KCNQ5: variants seen among roughly 807,000 people sequenced by gnomAD.
KCNQ5 encodes the protein potassium voltage-gated channel subfamily Q member 5.
KCNQ5 carries 30 observed loss-of-function variants against 98.2 expected under a neutral mutation model. That is an observed-to-expected ratio of 0.31 (90% confidence interval 0.23 to 0.41). The LOEUF is 0.41. Ranked by LOEUF, KCNQ5 falls within the 10% of genes least tolerant of loss-of-function variation. The pLI is 1.00. For missense variants in KCNQ5, 835 were observed against 1,182.5 expected (o/e 0.71, Z 4.31); for synonymous variants, 458 against 449.4 (o/e 1.02, Z -0.24).
At chr6:72,783,359 A>G (rs1773580804) in intron 1 of KCNQ5, among the ~76,000 whole-genome samples, 1 of 152,370 alleles carries the variant, frequency 6.6e-6, no homozygotes, top group African/African-American at 2.4e-5. Flanking sequence ...GTGTATATAC[A>G]TAACTCCATG....
At chr6:72,837,597 A>G (rs1776560534) in intron 1 of KCNQ5, among the ~76,000 whole-genome samples, 1 of 152,176 alleles carries the variant, frequency 6.6e-6, no homozygotes, top group African/African-American at 2.4e-5. Flanking sequence ...AGCCACAAAA[A>G]TCCATCAAAT....
At position 72,636,626 on chromosome 6, in the gene KCNQ5, C is replaced by T. The variant is rs139841500; in HGVS notation, c.398+14039C>T. On this transcript the variant is annotated intron_variant, in intron 1 of 13. Coordinates refer to ENST00000370398, the MANE Select transcript of KCNQ5 (RefSeq NM_019842.4). Reference sequence around the variant, plus strand: ...GTTTTGAGTCATTGGCTACATTTCTCAGCTTTCTGGTTTGTAAAATTAGGA... The same window carrying T: ...GTTTTGAGTCATTGGCTACATTTCTTAGCTTTCTGGTTTGTAAAATTAGGA... 4.5e-3 allele frequency among the ~76,000 whole-genome samples: 687 copies of T among 152,286 alleles called. 18 individuals are homozygous for T. Among genetic ancestry groups the T allele is most frequent in the Admixed American group, 0.04 (611 of 15,298 alleles).
chr6:72,982,988 G>A (rs1480550877), intron 1 of KCNQ5, among the ~76,000 whole-genome samples: 1 of 152,174 alleles, frequency 6.6e-6, no homozygotes, highest in Non-Finnish European at 1.5e-5. Context: ...TAAGAATATT[G>A]AATATTTGCC....
At chr6:72,709,905 G>A (rs1769279296) in intron 1 of KCNQ5, among the ~76,000 whole-genome samples, 1 of 152,098 alleles carries the variant, frequency 6.6e-6, no homozygotes, top group Non-Finnish European at 1.5e-5. Context: ...CTTACATTCT[G>A]GTGCACAAAT....
intron 10 of KCNQ5, chr6:73,135,703 T>C (rs1356046168): frequency 1.3e-5 from 2 of 152,204 alleles, no homozygotes; most frequent in Non-Finnish European, 2.9e-5. Context: ...AAATGGAACT[T>C]GTATTAGTTT....
intron 5 of KCNQ5, among the ~76,000 whole-genome samples, chr6:73,101,951 A>T (rs75102173): frequency 0.025 from 3,764 of 152,300 alleles, 68 homozygotes; most frequent in Middle Eastern, 0.058. Flanking sequence ...AAGCTATCCT[A>T]AGCAAAAAGA....
chr6:72,943,181 C>T (rs562719305), intron 1 of KCNQ5, among the ~76,000 whole-genome samples: 1 of 152,202 alleles, frequency 6.6e-6, no homozygotes, highest in African/African-American at 2.4e-5. Context: ...CAAAAGCATC[C>T]GCCTCTTATA....
Position 73,174,924 on chromosome 6 carries a change from C to T in KCNQ5, c.1577+5070C>T, listed in dbSNP as rs9446860. On this transcript the variant is annotated intron_variant, in intron 11 of 13. Coordinates refer to ENST00000370398, the MANE Select transcript of KCNQ5 (RefSeq NM_019842.4). ...GCCTTCCAGCATGCTGCCTCCACTG[C>T]CCGTCCTCTGCTCTGGGTCAGTCTT... Among the ~76,000 whole-genome samples the T allele has an allele frequency of 9.7e-3, 1,484 of 152,312 alleles. 21 individuals carry two copies. The highest frequency in any genetic ancestry group is 0.034 in the African/African-American group (1,415 of 41,556).
At chr6:73,101,952 A>G (rs1184215649) in intron 5 of KCNQ5, among the ~76,000 whole-genome samples, 1 of 152,234 alleles carries the variant, frequency 6.6e-6, no homozygotes, top group Admixed American at 6.5e-5. Context: ...AGCTATCCTA[A>G]GCAAAAAGAG....
At chr6:72,918,020 G>T (rs1192792074) in intron 1 of KCNQ5, among the ~76,000 whole-genome samples, 1 of 152,108 alleles carries the variant, frequency 6.6e-6, no homozygotes, top group Non-Finnish European at 1.5e-5. Flanking sequence ...CCCCTTAGTT[G>T]TAACAACCAA....
intron 11 of KCNQ5, among the ~76,000 whole-genome samples, chr6:73,172,877 A>G (rs1017612983): frequency 6.6e-6 from 1 of 152,238 alleles, no homozygotes; most frequent in Non-Finnish European, 1.5e-5. Context: ...AAAAATATGT[A>G]TTCTACTGCA....
rs550641240 is a variant in KCNQ5 at position 72,659,068 on chromosome 6, G to T, written c.398+36481G>T. Among the ~76,000 whole-genome samples, 178 of 152,294 alleles carry T rather than the reference G, an allele frequency of 1.2e-3. 1 individual carries two copies. Among genetic ancestry groups the T allele is most frequent in the African/African-American group, 3.9e-3 (162 of 41,564 alleles). On this transcript the variant is annotated intron_variant, in intron 1 of 13. Transcript: ENST00000370398. Reference sequence around the variant, plus strand: ...ATTTTTTAAACGTCTCCATTAATGGGAAAGATTAGTTTACCTACATTTAAG... The same window carrying T: ...ATTTTTTAAACGTCTCCATTAATGGTAAAGATTAGTTTACCTACATTTAAG...
chr6:72,635,866 A>G (rs1317785606), intron 1 of KCNQ5, among the ~76,000 whole-genome samples: 1 of 151,682 alleles, frequency 6.6e-6, no homozygotes, highest in East Asian at 1.9e-4. Context: ...TAATTTACAT[A>G]TTGCTCTATG....
chr6:72,739,320 G>A (rs920882822), intron 1 of KCNQ5, among the ~76,000 whole-genome samples: 20 of 152,154 alleles, frequency 1.3e-4, no homozygotes, highest in Admixed American at 1.3e-3. Context: ...GTAATTCCAT[G>A]GAGTAGCTCT....
At chr6:72,756,366 T>G (rs999601664) in intron 1 of KCNQ5, among the ~76,000 whole-genome samples, 1 of 152,146 alleles carries the variant, frequency 6.6e-6, no homozygotes, top group Non-Finnish European at 1.5e-5. Context: ...TTTACCAAAG[T>G]GGAACTCCTC....
intron 1 of KCNQ5, among the ~76,000 whole-genome samples, chr6:72,948,995 G>A (rs138354923): frequency 3.3e-5 from 5 of 151,942 alleles, no homozygotes; most frequent in African/African-American, 1.2e-4. Flanking sequence ...ATTGTTATTG[G>A]ATCAAAATCA....
At chr6:72,729,390 C>T (rs780759255) in intron 1 of KCNQ5, among the ~76,000 whole-genome samples, 19 of 152,170 alleles carry the variant, frequency 1.2e-4, no homozygotes, top group Admixed American at 5.2e-4. Flanking sequence ...TGGGTTCAAG[C>T]GATTCTCCTG....
intron 1 of KCNQ5, among the ~76,000 whole-genome samples, chr6:72,893,337 A>G (rs1467577939): frequency 6.6e-6 from 1 of 152,134 alleles, no homozygotes; most frequent in Non-Finnish European, 1.5e-5. Flanking sequence ...AAATAAGGCT[A>G]TCAAAAAGAG....
intron 1 of KCNQ5, among the ~76,000 whole-genome samples, chr6:72,891,363 A>G (rs546718901): frequency 6.6e-6 from 1 of 152,328 alleles, no homozygotes; most frequent in African/African-American, 2.4e-5. Flanking sequence ...GGATGAACAT[A>G]CTCAAAAAGT....
Sources: allele counts gnomAD v4.1 joint callset (sites outside exome capture counted in the v4.1 genomes callset), GRCh38; gene constraint gnomAD v4.1.1; transcripts MANE v1.5; gene names NCBI Gene and HGNC (gene_info 2026-07-23, HGNC 2026-07-21).